ASIC2: variants seen among roughly 807,000 people sequenced by gnomAD.
ASIC2 encodes acid-sensing ion channel 2.
A neutral mutation model predicts 57.3 loss-of-function variants in ASIC2; 25 were observed. The observed-to-expected ratio is 0.44, with a 90% CI of 0.32 to 0.61. The LOEUF (loss-of-function observed/expected upper bound fraction) is 0.61, where lower values mean the gene tolerates loss of function less well. ASIC2 is among the 20% of genes least tolerant of loss of function. The probability of loss-of-function intolerance (pLI) is 0.06; values close to 1 mark genes in which losing one functional copy is unlikely to be tolerated. For synonymous variants in ASIC2, 319 were observed against 307.5 expected (o/e 1.04, Z -0.39); for missense variants, 641 against 738.1 (o/e 0.87, Z 1.52).
chr17:34,057,246 A>G (rs1020654797), intron 1 of ASIC2, among the ~76,000 whole-genome samples: 3 of 152,236 alleles, frequency 2.0e-5, no homozygotes, highest in African/African-American at 7.2e-5. Context: ...TTCCAAAGAC[A>G]AGTGAGAGAA....
intron 1 of ASIC2, among the ~76,000 whole-genome samples, chr17:33,942,725 T>C (rs1190666417): frequency 2.6e-5 from 4 of 152,034 alleles, no homozygotes; most frequent in Non-Finnish European, 5.9e-5. Context: ...AGGAAGATGG[T>C]GTGTGTTGCT....
intron 1 of ASIC2, among the ~76,000 whole-genome samples, chr17:33,907,275 A>G (rs575382343): frequency 6.6e-6 from 1 of 151,962 alleles, no homozygotes; most frequent in Non-Finnish European, 1.5e-5. Flanking sequence ...CGATAAGACA[A>G]CTCCAGCATC....
At chr17:33,247,106 G>A (rs1908717319) in intron 1 of ASIC2, among the ~76,000 whole-genome samples, 1 of 152,222 alleles carries the variant, frequency 6.6e-6, no homozygotes, top group Non-Finnish European at 1.5e-5. Flanking sequence ...GTTCGATAGA[G>A]CGTTTATTAA....
chr17:33,990,328 G>T (rs1905960805), intron 1 of ASIC2, among the ~76,000 whole-genome samples: 1 of 152,104 alleles, frequency 6.6e-6, no homozygotes, highest in Admixed American at 6.6e-5. Flanking sequence ...AAATTGTCTG[G>T]CAACAGATAG....
intron 1 of ASIC2, among the ~76,000 whole-genome samples, chr17:33,874,719 A>G (rs944927924): frequency 5.9e-5 from 9 of 152,236 alleles, no homozygotes; most frequent in Non-Finnish European, 1.3e-4. Flanking sequence ...TGCTGGCCTC[A>G]TGCCAATCTC....
intron 1 of ASIC2, among the ~76,000 whole-genome samples, chr17:33,715,901 T>G (rs1264489660): frequency 6.6e-6 from 1 of 152,084 alleles, no homozygotes; most frequent in African/African-American, 2.4e-5. Context: ...GTGGAGGGCC[T>G]AGAATTCAAC....
intron 1 of ASIC2, among the ~76,000 whole-genome samples, chr17:34,099,100 AAAAGAG>A (rs1567820404): frequency 1.3e-5 from 1 of 75,274 alleles, no homozygotes; most frequent in East Asian, 2.9e-4. Context: ...ATTAAGAGAG[AAAAGAG>A]AGAGAGAGAG....
intron 1 of ASIC2, among the ~76,000 whole-genome samples, chr17:34,014,795 T>C (rs143042028): frequency 6.6e-6 from 1 of 152,302 alleles, no homozygotes; most frequent in African/African-American, 2.4e-5. Context: ...GAACGATGCA[T>C]ATAGAATGCT....
chr17:33,690,689 T>C (rs1908335010), intron 1 of ASIC2, among the ~76,000 whole-genome samples: 1 of 152,020 alleles, frequency 6.6e-6, no homozygotes, highest in Non-Finnish European at 1.5e-5. Context: ...ACTTGCATAT[T>C]TTCATTTCCC....
intron 1 of ASIC2, among the ~76,000 whole-genome samples, chr17:33,427,340 C>G (rs1911253355): frequency 6.6e-6 from 1 of 152,160 alleles, no homozygotes; most frequent in Admixed American, 6.5e-5. Flanking sequence ...AGAATCTACC[C>G]CATGGGAATA....
intron 1 of ASIC2, among the ~76,000 whole-genome samples, chr17:33,843,375 A>G (rs546386428): frequency 2.1e-4 from 32 of 152,346 alleles, no homozygotes; most frequent in African/African-American, 7.0e-4. Flanking sequence ...TCTTTCTTGA[A>G]TAAAATTTCT....
intron 1 of ASIC2, among the ~76,000 whole-genome samples, chr17:33,904,408 T>C (rs2141955329): frequency 6.6e-6 from 1 of 152,264 alleles, no homozygotes; most frequent in South Asian, 2.1e-4. Context: ...TGGTTCTCCA[T>C]ACTGCCTATA....
intron 1 of ASIC2, among the ~76,000 whole-genome samples, chr17:33,540,284 A>T (rs1357658967): frequency 2.0e-5 from 3 of 152,078 alleles, no homozygotes; most frequent in Non-Finnish European, 4.4e-5. Flanking sequence ...CTCTAATGAC[A>T]CAAATCATAT....
intron 1 of ASIC2, among the ~76,000 whole-genome samples, chr17:33,970,434 C>T (rs1461735161): frequency 6.6e-6 from 1 of 152,238 alleles, no homozygotes; most frequent in Non-Finnish European, 1.5e-5. Context: ...GCAGTGCCCA[C>T]ACCCAGCTGT....
At position 33,343,909 on chromosome 17, in the gene ASIC2, C is replaced by T. The variant is rs116278698; in HGVS notation, c.556-231842G>A. 3.7e-3 allele frequency among the ~76,000 whole-genome samples: 560 copies of T among 152,296 alleles called. 6 individuals carry two copies. Among genetic ancestry groups the T allele is most frequent in the African/African-American group, 0.013 (526 of 41,558 alleles). Reference sequence around the variant, plus strand: ...ACTGTGCCTTTGCCCAGACTTTGTCCCGTCTACCTGGACCGCCCTGTGTCT... The same window carrying T: ...ACTGTGCCTTTGCCCAGACTTTGTCTCGTCTACCTGGACCGCCCTGTGTCT... On this transcript the variant is annotated intron_variant, in intron 1 of 9. Transcript: ENST00000359872.
At position 33,291,825 on chromosome 17, in the gene ASIC2, G is replaced by C. The variant is rs758776142; in HGVS notation, c.291C>G (p.Phe97Leu). The change falls in exon 1 of 10, where the codon TTC (phenylalanine) becomes TTG (leucine). Residue 97 changes from phenylalanine to leucine, a missense_variant. Coordinates refer to ENST00000225823, the MANE Select transcript of ASIC2 (RefSeq NM_183377.2). ...TCGAGGACCAGGACAGCAGCAAGCC[G>C]AAGGATGTACAGAAGGCCAGCACCC... is the stretch of plus-strand genomic sequence containing the variant. ...ALWVLAFCTS[F>L]GLLLSWSSNR... is the part of the protein sequence containing the mutation. 6.2e-7 allele frequency: 1 copy of C among 1,612,160 alleles called. No individual in the cohort carries two copies. Among genetic ancestry groups the C allele is most frequent in the South Asian group, 1.1e-5 (1 of 91,072 alleles).
At chr17:33,897,939 T>C (rs1286079638) in intron 1 of ASIC2, among the ~76,000 whole-genome samples, 2 of 152,202 alleles carry the variant, frequency 1.3e-5, no homozygotes, top group Non-Finnish European at 2.9e-5. Flanking sequence ...ATATAGGTTA[T>C]TGGGACAGTT....
At chr17:33,023,812 C>T (rs2091848571) in intron 6 of ASIC2, 49 bp downstream of exon 6, 11 of 1,609,418 alleles carry the variant, frequency 6.8e-6, no homozygotes, top group Non-Finnish European at 9.3e-6. Context: ...CCAATTTCCT[C>T]CTTATCCAGT....
chr17:33,147,944 T>C (rs539501194), intron 1 of ASIC2, among the ~76,000 whole-genome samples: 25 of 152,290 alleles, frequency 1.6e-4, no homozygotes, highest in African/African-American at 6.0e-4. Flanking sequence ...CTTGGAATCC[T>C]GCAATATCCA....
Sources: allele counts gnomAD v4.1 joint callset (sites outside exome capture counted in the v4.1 genomes callset), GRCh38; gene constraint gnomAD v4.1.1; transcripts MANE v1.5; gene names NCBI Gene and HGNC (gene_info 2026-07-23, HGNC 2026-07-21).